The following KCMF1 variants were observed in gnomAD, a reference collection of about 807,000 sequenced individuals.
KCMF1 encodes potassium channel modulatory factor 1.
In KCMF1, 3 loss-of-function variants were observed where a neutral mutation model predicts 41.1. The ratio of observed to expected loss-of-function variants is 0.07; its 90% CI spans 0.03 to 0.19. The LOEUF (loss-of-function observed/expected upper bound fraction) is 0.19, where lower values mean the gene tolerates loss of function less well. Among genes scored for constraint, KCMF1 ranks in the 10% least tolerant of loss-of-function variants. KCMF1 has a pLI of 1.00. For missense variants in KCMF1, 286 were observed against 488.9 expected (o/e 0.58, Z 3.91); for synonymous variants, 142 against 164.5 (o/e 0.86, Z 1.04).
intron 1 of KCMF1, among the ~76,000 whole-genome samples, chr2:85,027,350 T>G (rs1048575841): frequency 6.0e-5 from 9 of 150,546 alleles, no homozygotes; most frequent in Admixed American, 1.3e-4. Flanking sequence ...TTTACCTTCT[T>G]GCTGGCTTAT....
At chr2:84,976,497 C>T (rs763971899) in intron 1 of KCMF1, among the ~76,000 whole-genome samples, 3 of 152,008 alleles carry the variant, frequency 2.0e-5, no homozygotes, top group Non-Finnish European at 4.4e-5. Flanking sequence ...TGAGCCACCA[C>T]GCCCAGCACC....
chr2:85,031,739 TCTTA>T (rs1392360732), intron 2 of KCMF1, among the ~76,000 whole-genome samples: 2 of 152,224 alleles, frequency 1.3e-5, no homozygotes, highest in African/African-American at 2.4e-5. Flanking sequence ...GGAATTTTTA[TCTTA>T]CTTATTTATC....
At chr2:85,031,345 C>T (rs898042124) in intron 2 of KCMF1, among the ~76,000 whole-genome samples, 3 of 152,142 alleles carry the variant, frequency 2.0e-5, no homozygotes, top group Non-Finnish European at 4.4e-5. Flanking sequence ...ATGAGTTTTG[C>T]ACTTCCATTG....
At chr2:85,041,952 A>G (rs1675547986) in intron 3 of KCMF1, among the ~76,000 whole-genome samples, 2 of 152,192 alleles carry the variant, frequency 1.3e-5, no homozygotes, top group Admixed American at 6.5e-5. Flanking sequence ...TACAGATAGT[A>G]AAAGTTAAAT....
intron 5 of KCMF1, among the ~76,000 whole-genome samples, chr2:85,047,622 T>C (rs1675704989): frequency 6.6e-6 from 1 of 151,760 alleles, no homozygotes; most frequent in Non-Finnish European, 1.5e-5. Flanking sequence ...AACACAGTTT[T>C]TGAACCTGGC....
At chr2:85,028,576 AC>A (rs1263206178) in intron 2 of KCMF1, among the ~76,000 whole-genome samples, 1 of 121,500 alleles carries the variant, frequency 8.2e-6, no homozygotes, top group Non-Finnish European at 1.6e-5. Flanking sequence ...TGCAACCTCC[AC>A]CCCCCAGGTT....
Position 85,057,173 on chromosome 2 carries a change from C to CT in KCMF1, c.*3765dup, listed in dbSNP as rs997110457. On this transcript the variant is annotated 3_prime_UTR_variant, in exon 7 of 7. Coordinates refer to ENST00000409785, the MANE Select transcript of KCMF1 (RefSeq NM_020122.5). ...CCAGCCCGGGCGACGGTGCAAGACT[C>CT]TGTCTCAAAAAAAAAAAAAATTAAA... 5.3e-5 allele frequency: 8 copies of CT among 150,204 alleles called. No homozygotes were observed. The highest frequency in any genetic ancestry group is 1.7e-4 in the African/African-American group (7 of 40,684). 9.3% of individuals were successfully genotyped at this position (150,204 alleles called of 1,614,324 possible). A position where few individuals can be genotyped will look rare whatever the true frequency, so the allele number is the denominator to read the frequency against.
chr2:85,036,632 A>T (rs1452736363), intron 3 of KCMF1, among the ~76,000 whole-genome samples: 1 of 151,990 alleles, frequency 6.6e-6, no homozygotes, highest in Non-Finnish European at 1.5e-5. Flanking sequence ...TGTCTCCACA[A>T]AATTTAAAAA....
At position 85,056,730 on chromosome 2, in the gene KCMF1, A is replaced by G. The variant is rs932132462; in HGVS notation, c.*3321A>G. 1 of 152,196 alleles carries G rather than the reference A, an allele frequency of 6.6e-6. No homozygotes were observed. The allele number at this position is 152,196 out of a possible 1,614,324, so 9.4% of individuals were successfully genotyped here. ...ATGGCTTACTGATACAGGCATGTGT[A>G]AAAAACTAAGTGTGATGGAGGAATG... On this transcript the variant is annotated 3_prime_UTR_variant, in exon 7 of 7. Coordinates refer to ENST00000409785, the MANE Select transcript of KCMF1 (RefSeq NM_020122.5).
At chr2:84,999,299 C>T (rs78279341) in intron 1 of KCMF1, among the ~76,000 whole-genome samples, 1,930 of 152,036 alleles carry the variant, frequency 0.013, 53 homozygotes, top group African/African-American at 0.045. Flanking sequence ...TACAGGTGCC[C>T]GCCAACACAC....
chr2:85,008,241 A>G (rs932776231), intron 1 of KCMF1, among the ~76,000 whole-genome samples: 22 of 104,444 alleles, frequency 2.1e-4, no homozygotes, highest in African/African-American at 7.8e-4. Flanking sequence ...ATATTATATT[A>G]TATATGATAT....
At chr2:85,022,687 C>T (rs1025631958) in intron 1 of KCMF1, among the ~76,000 whole-genome samples, 2 of 152,110 alleles carry the variant, frequency 1.3e-5, no homozygotes, top group Non-Finnish European at 2.9e-5. Flanking sequence ...AATGGTACTA[C>T]AGATCCTCTT....
intron 1 of KCMF1, among the ~76,000 whole-genome samples, chr2:85,017,316 G>A (rs960773209): frequency 1.3e-5 from 2 of 152,096 alleles, no homozygotes; most frequent in Non-Finnish European, 2.9e-5. Context: ...GTGAGCCACC[G>A]CGCCCGGCCA....
At chr2:84,998,592 T>C (rs148542889) in intron 1 of KCMF1, among the ~76,000 whole-genome samples, 2,903 of 151,346 alleles carry the variant, frequency 0.019, 42 homozygotes, top group South Asian at 0.082. Flanking sequence ...TATTTATTTA[T>C]TTACTTACTT....
chr2:84,990,298 T>G (rs555919888), intron 1 of KCMF1, among the ~76,000 whole-genome samples: 2 of 152,290 alleles, frequency 1.3e-5, no homozygotes, highest in East Asian at 3.9e-4. Context: ...TAGCACCTAG[T>G]GCATATTTTG....
At chr2:85,020,658 A>G (rs1674909188) in intron 1 of KCMF1, among the ~76,000 whole-genome samples, 1 of 152,050 alleles carries the variant, frequency 6.6e-6, no homozygotes, top group South Asian at 2.1e-4. Flanking sequence ...AAACTCCTGC[A>G]CTCAAACAAT....
At chr2:85,046,436 C>T (rs943357941) in intron 5 of KCMF1, among the ~76,000 whole-genome samples, 158 bp downstream of exon 5, 17 of 152,078 alleles carry the variant, frequency 1.1e-4, no homozygotes, top group African/African-American at 3.6e-4. Flanking sequence ...TCAAGACCAG[C>T]CTGGCCAACA....
rs1375816411 is a variant in KCMF1 at position 85,055,798 on chromosome 2, A to G, written c.*2389A>G. The G allele has an allele frequency of 2.6e-5, 4 of 152,206 alleles. No individual in the cohort carries two copies. The highest frequency in any genetic ancestry group is 1.3e-4 in the Admixed American group (2 of 15,286). The allele number at this position is 152,206 out of a possible 1,614,324, so 9.4% of individuals were successfully genotyped here. A position where few individuals can be genotyped will look rare whatever the true frequency, so the allele number is the denominator to read the frequency against. ...AATTGCAAAGACTTTGATGGAGACA[A>G]AATCAAAATATACCACTGTTTATTT... On this transcript the variant is annotated 3_prime_UTR_variant, in exon 7 of 7. Coordinates refer to ENST00000409785, the MANE Select transcript of KCMF1 (RefSeq NM_020122.5).
intron 1 of KCMF1, among the ~76,000 whole-genome samples, chr2:84,974,830 C>T (rs1332003646): frequency 3.3e-5 from 5 of 149,412 alleles, no homozygotes; most frequent in Admixed American, 2.0e-4. Flanking sequence ...CTCAGCCTCC[C>T]GCGTAGCTGG....
Sources: gnomAD v4.1 joint callset for allele counts (sites outside exome capture counted in the v4.1 genomes callset) on GRCh38, gnomAD v4.1.1 for gene constraint, MANE v1.5 for transcripts, NCBI Gene and HGNC (gene_info 2026-07-23, HGNC 2026-07-21) for gene names.